Variants in COL4A5 observed in about 807,000 individuals in gnomAD.
The protein encoded by COL4A5 is collagen alpha-5(IV) chain.
A neutral mutation model predicts 130.2 loss-of-function variants in COL4A5; 26 were observed. That is an observed-to-expected ratio of 0.20 (90% confidence interval 0.15 to 0.28). The LOEUF (loss-of-function observed/expected upper bound fraction) is 0.28, where lower values mean the gene tolerates loss of function less well. Ranked by LOEUF, COL4A5 falls within the 10% of genes least tolerant of loss-of-function variation. The pLI is 1.00. For missense variants in COL4A5, 1,131 were observed against 1,344.3 expected (o/e 0.84, Z 2.48); for synonymous variants, 496 against 439.6 (o/e 1.13, Z -1.60).
At chrX:108,494,595 T>G (rs1487511074) in intron 1 of COL4A5, among the ~76,000 whole-genome samples, 1 of 111,179 alleles carries the variant, frequency 9.0e-6, no homozygotes, top group Non-Finnish European at 1.9e-5. Flanking sequence ...GGCCTGATTT[T>G]TTTTTTTTCA....
chrX:108,520,756 G>T (rs1412751972), intron 1 of COL4A5, among the ~76,000 whole-genome samples: 2 of 111,254 alleles, frequency 1.8e-5, no homozygotes, highest in African/African-American at 3.3e-5. Context: ...CTGATGAATG[G>T]CTCAAATGTT....
At chrX:108,544,718 G>A (rs1470531517) in intron 2 of COL4A5, among the ~76,000 whole-genome samples, 4 of 110,791 alleles carry the variant, frequency 3.6e-5, no homozygotes, top group Non-Finnish European at 5.7e-5. Flanking sequence ...GGTAGAATTC[G>A]GCTGTGAATC....
intron 1 of COL4A5, among the ~76,000 whole-genome samples, chrX:108,517,065 A>G (rs1242036668): frequency 8.9e-6 from 1 of 112,049 alleles, no homozygotes; most frequent in Non-Finnish European, 1.9e-5. Context: ...ACAAATGTTC[A>G]TCATCATTTT....
At chrX:108,661,184 A>G (rs1399036009) in intron 37 of COL4A5, among the ~76,000 whole-genome samples, 1 of 111,781 alleles carries the variant, frequency 8.9e-6, no homozygotes, top group African/African-American at 3.2e-5. Flanking sequence ...TTCTTAAAAC[A>G]TACCCAGTTG....
intron 29 of COL4A5, among the ~76,000 whole-genome samples, chrX:108,612,009 G>C (rs1326207523): frequency 9.0e-6 from 1 of 111,452 alleles, no homozygotes; most frequent in Non-Finnish European, 1.9e-5. Flanking sequence ...TAAAATCAAT[G>C]TAATTTGCCA....
chrX:108,571,352 G>C, intron 6 of COL4A5, 61 bp from the exon 7 acceptor site: 1 of 860,842 alleles, frequency 1.2e-6, no homozygotes, highest in Non-Finnish European at 1.7e-6. Context: ...GTCATATCTT[G>C]ATGGTATAGT....
chrX:108,689,877 T>A (rs1225994794), intron 49 of COL4A5: 1 of 752,446 alleles, frequency 1.3e-6, no homozygotes, highest in Admixed American at 8.8e-5. Flanking sequence ...GCATTGGGAG[T>A]ATATGGGATC....
intron 30 of COL4A5, among the ~76,000 whole-genome samples, chrX:108,619,304 G>A (rs1300663286): frequency 9.0e-6 from 1 of 111,305 alleles, no homozygotes; most frequent in Non-Finnish European, 1.9e-5. Flanking sequence ...AATAAATTTA[G>A]ATCTTATTGT....
chrX:108,578,357 G>C lies in COL4A5; in HGVS notation c.754G>C (p.Asp252His). ...GQISEQKRPI[D>H]VEFQKGDQGL... is the part of the protein sequence containing the mutation. ...GATCAGTGAACAGAAAAGACCAATTGATGTAGAGTTTCAGAAAGGAGATCA... is the reference window on the plus strand; with the variant it reads ...GATCAGTGAACAGAAAAGACCAATTCATGTAGAGTTTCAGAAAGGAGATCA... The change falls in exon 13 of 53, where the codon GAT becomes CAT. Residue 252 changes from aspartate (D) to histidine (H), a missense_variant. Transcript: ENST00000328300. 2.5e-6 allele frequency: 3 copies of C among 1,208,336 alleles called. No homozygotes were observed. Among genetic ancestry groups the C allele is most frequent in the Non-Finnish European group, 3.4e-6 (3 of 892,671 alleles).
chrX:108,618,192 T>G (rs182214753), intron 30 of COL4A5, among the ~76,000 whole-genome samples: 1 of 111,203 alleles, frequency 9.0e-6, no homozygotes, highest in East Asian at 2.8e-4. Context: ...TTATATTGAC[T>G]TCTTCATCCT....
At chrX:108,592,366 T>C (rs1288341167) in intron 21 of COL4A5, among the ~76,000 whole-genome samples, 1 of 111,186 alleles carries the variant, frequency 9.0e-6, no homozygotes, top group African/African-American at 3.3e-5. Flanking sequence ...CACCAATTTT[T>C]CCCTCTCTAT....
At chrX:108,484,002 A>T (rs187411529) in intron 1 of COL4A5, among the ~76,000 whole-genome samples, 19 of 111,890 alleles carry the variant, frequency 1.7e-4, no homozygotes, top group African/African-American at 6.2e-4. Context: ...CTCCTTATAT[A>T]TTCTGGTTAT....
intron 1 of COL4A5, among the ~76,000 whole-genome samples, chrX:108,512,607 C>A (rs1019869212): frequency 2.5e-4 from 27 of 109,768 alleles, no homozygotes; most frequent in Non-Finnish European, 4.7e-4. Flanking sequence ...TCCGTGATGC[C>A]CCACAAGCCG....
At chrX:108,471,073 TAA>T (rs2064764089) in intron 1 of COL4A5, among the ~76,000 whole-genome samples, 2 of 111,895 alleles carry the variant, frequency 1.8e-5, no homozygotes, top group South Asian at 7.4e-4. Flanking sequence ...TGAAGTCAGG[TAA>T]CGTGAGGCCT....
intron 1 of COL4A5, among the ~76,000 whole-genome samples, chrX:108,515,314 T>C (rs747587128): frequency 8.9e-6 from 1 of 111,833 alleles, no homozygotes; most frequent in Non-Finnish European, 1.9e-5. Context: ...AGGAATAATT[T>C]ATGCTAATAA....
intron 36 of COL4A5, among the ~76,000 whole-genome samples, chrX:108,648,187 C>T (rs1026622400): frequency 7.2e-5 from 8 of 110,502 alleles, no homozygotes; most frequent in Non-Finnish European, 1.5e-4. Context: ...TCTGAAAACC[C>T]TCCCATCTTA....
intron 1 of COL4A5, among the ~76,000 whole-genome samples, chrX:108,470,142 G>T (rs770585017): frequency 8.9e-6 from 1 of 111,735 alleles, no homozygotes; most frequent in South Asian, 3.7e-4. Context: ...TTTCTTTTTT[G>T]GGGGGTATAT....
At chrX:108,592,457 T>G (rs2066452098) in intron 21 of COL4A5, among the ~76,000 whole-genome samples, 1 of 110,879 alleles carries the variant, frequency 9.0e-6, no homozygotes, top group African/African-American at 3.3e-5. Flanking sequence ...GCCAGCTGTT[T>G]CTCTATTTTT....
At chrX:108,583,033 T>C (rs2066276136) in intron 17 of COL4A5, 96 bp downstream of exon 17, 3 of 696,498 alleles carry the variant, frequency 4.3e-6, no homozygotes, top group Non-Finnish European at 6.9e-6. Context: ...AAAGTCTACA[T>C]AACTAGCTTT....
Sources: gnomAD v4.1 joint callset for allele counts (sites outside exome capture counted in the v4.1 genomes callset) on GRCh38, gnomAD v4.1.1 for gene constraint, MANE v1.5 for transcripts, NCBI Gene and HGNC (gene_info 2026-07-23, HGNC 2026-07-21) for gene names.